Variants in BBS9 observed in about 807,000 individuals in gnomAD.
BBS9 encodes the protein protein PTHB1.
Under a neutral mutation model 117.7 loss-of-function variants are expected in BBS9, and 89 were observed. That is an observed-to-expected ratio of 0.76 (90% CI 0.64 to 0.90). The LOEUF is 0.90. Among genes scored for constraint, BBS9 ranks in the 40% least tolerant of loss-of-function variants. The pLI, the probability that BBS9 is intolerant of heterozygous loss-of-function variation, is 0.00. For synonymous variants in BBS9, 379 were observed against 370.9 expected (o/e 1.02, Z -0.25); for missense variants, 982 against 1,042.2 (o/e 0.94, Z 0.80).
intron 4 of BBS9, among the ~76,000 whole-genome samples, chr7:33,169,676 A>G (rs1796233522): frequency 6.6e-6 from 1 of 151,616 alleles, no homozygotes; most frequent in African/African-American, 2.4e-5. Flanking sequence ...TTTTCTTGTA[A>G]ATCTGTTTGA....
chr7:33,367,665 T>G, intron 16 of BBS9, 102 bp from the exon 17 acceptor site: 1 of 873,986 alleles, frequency 1.1e-6, no homozygotes, highest in Non-Finnish European at 2.0e-6. Flanking sequence ...TATACATGAC[T>G]AGTGACATAA....
intron 21 of BBS9, among the ~76,000 whole-genome samples, chr7:33,563,058 T>C (rs573449991): frequency 6.6e-6 from 1 of 152,250 alleles, no homozygotes; most frequent in East Asian, 1.9e-4. Context: ...TATTATAGAG[T>C]GTATTTTTAA....
At chr7:33,563,233 T>C (rs1248363779) in intron 21 of BBS9, among the ~76,000 whole-genome samples, 2 of 152,164 alleles carry the variant, frequency 1.3e-5, no homozygotes, top group Non-Finnish European at 2.9e-5. Context: ...AGGCACTCAG[T>C]CTGATTTATG....
chr7:33,608,239 A>G (rs575207711), downstream of BBS9, among the ~76,000 whole-genome samples: 20 of 152,204 alleles, frequency 1.3e-4, no homozygotes, highest in African/African-American at 4.8e-4. Context: ...TTATAACTGC[A>G]TAGTATTCTG....
intron 6 of BBS9, among the ~76,000 whole-genome samples, chr7:33,263,844 G>A (rs951514860): frequency 1.3e-5 from 2 of 152,092 alleles, no homozygotes; most frequent in African/African-American, 2.4e-5. Context: ...CACCAAAAAT[G>A]TACTTACCTA....
At chr7:33,462,599 A>G (rs1839626226) in intron 19 of BBS9, among the ~76,000 whole-genome samples, 1 of 152,122 alleles carries the variant, frequency 6.6e-6, no homozygotes, top group African/African-American at 2.4e-5. Flanking sequence ...TGTAGTTCAC[A>G]TTATTTCTGG....
chr7:33,283,937 C>A (rs959044040), intron 9 of BBS9, among the ~76,000 whole-genome samples: 2 of 152,132 alleles, frequency 1.3e-5, no homozygotes, highest in Non-Finnish European at 2.9e-5. Flanking sequence ...GTGAGTGTCA[C>A]AGAAGCCCCT....
chr7:33,516,512 G>C (rs1186457789), intron 20 of BBS9, among the ~76,000 whole-genome samples: 3 of 88,596 alleles, frequency 3.4e-5, no homozygotes, highest in African/African-American at 4.5e-5. Context: ...AAAAAAAAAA[G>C]AGTTGATGGA....
chr7:33,201,884 G>T (rs1419782140), intron 5 of BBS9, among the ~76,000 whole-genome samples: 1 of 152,140 alleles, frequency 6.6e-6, no homozygotes, highest in Non-Finnish European at 1.5e-5. Context: ...TTCTCCAAAG[G>T]CTCTTATTTT....
intron 5 of BBS9, among the ~76,000 whole-genome samples, chr7:33,236,742 T>A (rs994670996): frequency 6.6e-6 from 1 of 152,090 alleles, no homozygotes; most frequent in African/African-American, 2.4e-5. Context: ...AATTAACATA[T>A]CCTTCACCTT....
At chr7:33,332,042 A>C (rs753183758) in intron 9 of BBS9, among the ~76,000 whole-genome samples, 1 of 149,086 alleles carries the variant, frequency 6.7e-6, no homozygotes, top group Non-Finnish European at 1.5e-5. Flanking sequence ...ACATTACCCA[A>C]CTTCAAATTA....
intron 9 of BBS9, among the ~76,000 whole-genome samples, chr7:33,306,003 G>A (rs1807850331): frequency 6.6e-6 from 1 of 151,578 alleles, no homozygotes; most frequent in Admixed American, 6.6e-5. Context: ...GAGGTTTGAG[G>A]TTTTTCTACT....
intron 19 of BBS9, among the ~76,000 whole-genome samples, chr7:33,431,227 T>C (rs1050876679): frequency 2.0e-5 from 3 of 149,286 alleles, no homozygotes; most frequent in Non-Finnish European, 4.5e-5. Context: ...AAAAAAATGG[T>C]ACTGGTTACC....
chr7:33,400,912 G>T (rs1584666516), intron 19 of BBS9, among the ~76,000 whole-genome samples: 1 of 152,140 alleles, frequency 6.6e-6, no homozygotes, highest in South Asian at 2.1e-4. Context: ...TTGAACATTT[G>T]ACCTTAAGTG....
intron 9 of BBS9, among the ~76,000 whole-genome samples, chr7:33,284,801 C>T (rs1029067009): frequency 5.3e-5 from 8 of 152,086 alleles, no homozygotes; most frequent in South Asian, 4.1e-4. Context: ...TGAGAAACCA[C>T]GGCACTGGTT....
chr7:33,215,943 A>G (rs1054142531), intron 5 of BBS9, among the ~76,000 whole-genome samples: 12 of 152,206 alleles, frequency 7.9e-5, no homozygotes, highest in African/African-American at 2.9e-4. Flanking sequence ...CTTTTGTCTT[A>G]CAAATATCAT....
At chr7:33,332,642 AT>A (rs1270293517) in intron 9 of BBS9, among the ~76,000 whole-genome samples, 4 of 152,040 alleles carry the variant, frequency 2.6e-5, no homozygotes, top group Non-Finnish European at 5.9e-5. Flanking sequence ...ACGCCACTGC[AT>A]TCCAGCCTGG....
intron 11 of BBS9, among the ~76,000 whole-genome samples, chr7:33,342,212 T>A (rs1441671619): frequency 2.0e-5 from 3 of 152,012 alleles, no homozygotes; most frequent in Non-Finnish European, 2.9e-5. Context: ...CACAAAAAAG[T>A]AGGACTATAT....
chr7:33,504,650 T>A (rs1446113430), intron 19 of BBS9, among the ~76,000 whole-genome samples: 1 of 152,182 alleles, frequency 6.6e-6, no homozygotes. Flanking sequence ...AGTTCATTAC[T>A]TTTAATGAGC....
Sources: allele counts gnomAD v4.1 joint callset (sites outside exome capture counted in the v4.1 genomes callset), GRCh38; gene constraint gnomAD v4.1.1; transcripts MANE v1.5; gene names NCBI Gene and HGNC (gene_info 2026-07-23, HGNC 2026-07-21).